Variants in CHST11 observed in about 807,000 individuals in gnomAD.
The protein encoded by CHST11 is carbohydrate sulfotransferase 11, also known as C4S-1.
A neutral mutation model predicts 30.4 loss-of-function variants in CHST11; 9 were observed. That is an observed-to-expected ratio of 0.30 (90% CI 0.18 to 0.52). The LOEUF (loss-of-function observed/expected upper bound fraction) is 0.52, where lower values mean the gene tolerates loss of function less well. CHST11 is among the 20% of genes least tolerant of loss of function. The probability of loss-of-function intolerance (pLI) is 0.97; values close to 1 mark genes in which losing one functional copy is unlikely to be tolerated. For synonymous variants in CHST11, 152 were observed against 187.8 expected, an observed-to-expected ratio of 0.81 and a Z score of 1.56; for missense variants, 348 against 460.6, an observed-to-expected ratio of 0.76 and a Z score of 2.24.
chr12:104,481,243 C>A (rs902310000), intron 1 of CHST11, among the ~76,000 whole-genome samples: 7 of 152,182 alleles, frequency 4.6e-5, no homozygotes, highest in African/African-American at 1.7e-4. Context: ...TGTTCCCCTG[C>A]CCAGCTGGAC....
intron 2 of CHST11, among the ~76,000 whole-genome samples, chr12:104,626,578 CAAAA>C (rs34633763): frequency 1.3e-5 from 1 of 78,140 alleles, no homozygotes. Context: ...CCTCCCCACC[CAAAA>C]AAAAAAAAAA....
At chr12:104,685,315 A>G (rs1293723154) in intron 2 of CHST11, among the ~76,000 whole-genome samples, 1 of 152,196 alleles carries the variant, frequency 6.6e-6, no homozygotes, top group Non-Finnish European at 1.5e-5. Flanking sequence ...ATCCCTTGAT[A>G]TTTATATATA....
chr12:104,550,905 G>A (rs1371226023), intron 1 of CHST11, among the ~76,000 whole-genome samples: 1 of 152,104 alleles, frequency 6.6e-6, no homozygotes, highest in East Asian at 1.9e-4. Context: ...GTGTTAGCCG[G>A]CTGGCTAAAG....
At chr12:104,474,880 G>A (rs555165599) in intron 1 of CHST11, among the ~76,000 whole-genome samples, 1 of 152,340 alleles carries the variant, frequency 6.6e-6, no homozygotes, top group South Asian at 2.1e-4. Flanking sequence ...AAGCATGGGG[G>A]AAGGTCCTTG....
chr12:104,607,385 C>T (rs1256030446), intron 2 of CHST11, among the ~76,000 whole-genome samples: 1 of 152,150 alleles, frequency 6.6e-6, no homozygotes, highest in Non-Finnish European at 1.5e-5. Context: ...AAATGTGTTC[C>T]TTCTATGGAC....
intron 2 of CHST11, among the ~76,000 whole-genome samples, chr12:104,678,732 G>T (rs549024125): frequency 6.6e-6 from 1 of 152,028 alleles, no homozygotes; most frequent in Non-Finnish European, 1.5e-5. Context: ...TTTTCTTCAC[G>T]GTGGGGGAGA....
At chr12:104,750,455 T>TTTTTTTTTTTTTTTTTTTTTTTTTTG (rs1566064739) in intron 2 of CHST11, among the ~76,000 whole-genome samples, 1 of 117,468 alleles carries the variant, frequency 8.5e-6, no homozygotes, top group Non-Finnish European at 1.8e-5. Context: ...TTTTTTTTTT[T>TTTTTTTTTTTTTTTTTTTTTTTTTTG]TGTTGAGACT....
At chr12:104,700,619 G>A (rs2039984108) in intron 2 of CHST11, among the ~76,000 whole-genome samples, 1 of 152,192 alleles carries the variant, frequency 6.6e-6, no homozygotes, top group Admixed American at 6.5e-5. Context: ...ACTAATGTAT[G>A]TAAAGCAATT....
intron 1 of CHST11, among the ~76,000 whole-genome samples, chr12:104,590,018 TAAATAAATAA>T (rs1476665283): frequency 6.9e-6 from 1 of 145,876 alleles, no homozygotes; most frequent in African/African-American, 2.7e-5. Flanking sequence ...CAAAATTAAA[TAAATAAATAA>T]ATAAATAAAT....
At chr12:104,490,468 T>C (rs888117773) in intron 1 of CHST11, among the ~76,000 whole-genome samples, 2 of 152,172 alleles carry the variant, frequency 1.3e-5, no homozygotes, top group African/African-American at 4.8e-5. Context: ...CCGAAGTGTT[T>C]TAAGGGAAGT....
chr12:104,727,641 A>T (rs2040226268), intron 2 of CHST11, among the ~76,000 whole-genome samples: 1 of 152,216 alleles, frequency 6.6e-6, no homozygotes, highest in Non-Finnish European at 1.5e-5. Flanking sequence ...TAATCAACTG[A>T]TTTTATAATC....
chr12:104,496,410 C>T (rs145417781), intron 1 of CHST11, among the ~76,000 whole-genome samples: 1 of 152,192 alleles, frequency 6.6e-6, no homozygotes, highest in Admixed American at 6.5e-5. Flanking sequence ...GGGCCAGAGG[C>T]CTTTAGGCAC....
At chr12:104,626,001 G>A (rs1009852967) in intron 2 of CHST11, among the ~76,000 whole-genome samples, 1 of 152,160 alleles carries the variant, frequency 6.6e-6, no homozygotes, top group Non-Finnish European at 1.5e-5. Flanking sequence ...TTTCATTGGT[G>A]GCTTGTTTCT....
rs2037376227 is a variant in CHST11, at chr12:104,458,405, C to T, written c.118+876C>T. Among the ~76,000 whole-genome samples, 1 of 152,232 alleles carries T rather than the reference C, an allele frequency of 6.6e-6. No individual in the cohort carries two copies. The highest frequency in any genetic ancestry group is 1.5e-5 in the Non-Finnish European group (1 of 68,034). ...GGAATGAACCCCATTCCTCCGGTCC[C>T]TTGTGGCTCAGGCAAAGTTCCACGT... On this transcript the variant is annotated intron_variant, in intron 1 of 2. Coordinates refer to ENST00000303694, the MANE Select transcript of CHST11 (RefSeq NM_018413.6). This position sits in a 1 kb window ranked among gnomAD's most constrained non-coding sequence, Gnocchi z 5.7.
chr12:104,606,474 A>G (rs1450046518), intron 2 of CHST11, among the ~76,000 whole-genome samples: 4 of 152,224 alleles, frequency 2.6e-5, no homozygotes, highest in South Asian at 2.1e-4. Context: ...AATCTTTACA[A>G]CAACCCGAAG....
chr12:104,475,584 A>G (rs1424053893), intron 1 of CHST11, among the ~76,000 whole-genome samples: 1 of 145,914 alleles, frequency 6.9e-6, no homozygotes, highest in African/African-American at 2.5e-5. Context: ...TCAAGGGGCA[A>G]GGTTGGTGGC....
intron 1 of CHST11, among the ~76,000 whole-genome samples, chr12:104,557,164 C>T (rs1303232752): frequency 6.6e-6 from 1 of 152,088 alleles, no homozygotes; most frequent in African/African-American, 2.4e-5. Context: ...ATTTCTTTTT[C>T]GGGGACAAAA....
rs147308975 is a variant in CHST11 at position 104,480,447 on chromosome 12, G to A, written c.118+22918G>A. Among the ~76,000 whole-genome samples the A allele has an allele frequency of 2.9e-3, 445 of 151,938 alleles. 4 individuals are homozygous for A. Among genetic ancestry groups the A allele is most frequent in the African/African-American group, 0.01 (419 of 41,412 alleles). On this transcript the variant is annotated intron_variant, in intron 1 of 2. Transcript: ENST00000303694. ...CAAAAAATTAGCTGGGCATGGTGGC[G>A]GGTGCCTGTAATCCCAGCTACTCAG...
intron 2 of CHST11, among the ~76,000 whole-genome samples, chr12:104,605,817 GCATTGTCAGC>G (rs1433164719): frequency 3.3e-5 from 5 of 152,192 alleles, no homozygotes; most frequent in Admixed American, 6.5e-5. Flanking sequence ...GGGCAGAGCT[GCATTGTCAGC>G]CATTAATAGG....
Sources: allele counts gnomAD v4.1 joint callset (sites outside exome capture counted in the v4.1 genomes callset), GRCh38; gene constraint gnomAD v4.1.1; non-coding constraint Gnocchi (gnomAD v3.1); transcripts MANE v1.5; gene names NCBI Gene and HGNC (gene_info 2026-07-23, HGNC 2026-07-21).